Variants in ABLIM3 observed in about 807,000 individuals in gnomAD.
The protein encoded by ABLIM3 is actin-binding LIM protein 3.
In ABLIM3, 61 loss-of-function variants were observed where a neutral mutation model predicts 109.5. The observed-to-expected ratio is 0.56, with a 90% CI of 0.45 to 0.69. The LOEUF is 0.69. Among genes scored for constraint, ABLIM3 ranks in the 30% least tolerant of loss-of-function variants. The pLI is 0.00. For missense variants in ABLIM3, 796 were observed against 889.5 expected (o/e 0.89, Z 1.34); for synonymous variants, 300 against 324.8 (o/e 0.92, Z 0.82).
intron 16 of ABLIM3, 123 bp from the exon 17 acceptor site, chr5:149,246,359 T>C: frequency 1.1e-6 from 1 of 927,160 alleles, no homozygotes; most frequent in South Asian, 1.8e-5. Context: ...AACGAGACTG[T>C]TTCCATTGAA....
At chr5:149,149,887 CCACAACTGCCCCTAGCTGG>C (rs1278421772) in intron 2 of ABLIM3, among the ~76,000 whole-genome samples, 1 of 152,200 alleles carries the variant, frequency 6.6e-6, no homozygotes. Context: ...CCCACTGCTA[CCACAACTGCCCCTAGCTGG>C]ACCCAGAGAC....
At chr5:149,209,618 G>T (rs967912939) in intron 6 of ABLIM3, among the ~76,000 whole-genome samples, 3 of 152,174 alleles carry the variant, frequency 2.0e-5, no homozygotes, top group African/African-American at 7.2e-5. Context: ...CTCAAATCTT[G>T]TTGGCTCATC....
chr5:149,185,008 T>C (rs1756817713), intron 3 of ABLIM3, among the ~76,000 whole-genome samples: 1 of 152,202 alleles, frequency 6.6e-6, no homozygotes. Context: ...TGAGTGATTA[T>C]TTTTACACCC....
chr5:149,252,530 C>T, intron 22 of ABLIM3: 1 of 559,288 alleles, frequency 1.8e-6, no homozygotes, highest in Non-Finnish European at 3.2e-6. Context: ...GCAAATACCT[C>T]CAAGCTTATT....
intron 13 of ABLIM3, 69 bp downstream of exon 13, chr5:149,239,957 G>A: frequency 6.6e-7 from 1 of 1,515,742 alleles, no homozygotes; most frequent in Non-Finnish European, 8.8e-7. Flanking sequence ...TGGGGTCCCT[G>A]CTGCAGAGGG....
intron 7 of ABLIM3, among the ~76,000 whole-genome samples, chr5:149,214,529 G>A (rs1472481828): frequency 6.6e-6 from 1 of 152,146 alleles, no homozygotes; most frequent in Admixed American, 6.5e-5. Context: ...TCATTGGTGG[G>A]GTCAGCACTA....
chr5:149,231,652 G>A (rs1761871814), intron 9 of ABLIM3, among the ~76,000 whole-genome samples: 1 of 152,094 alleles, frequency 6.6e-6, no homozygotes, highest in Non-Finnish European at 1.5e-5. Context: ...TTCTTTCCCT[G>A]TTTCTTGCAA....
intron 7 of ABLIM3, among the ~76,000 whole-genome samples, chr5:149,215,483 T>C (rs2963491): frequency 0.48 from 72,020 of 149,064 alleles, 17,557 homozygotes; most frequent in East Asian, 0.6. Flanking sequence ...ATCTCCAGAA[T>C]AGGCAAGCCC....
At chr5:149,242,414 G>A (rs1752943619) in intron 14 of ABLIM3, 77 bp from the exon 15 acceptor site, 1 of 1,453,290 alleles carries the variant, frequency 6.9e-7, no homozygotes, top group Non-Finnish European at 9.7e-7. Context: ...AACTGACCAA[G>A]TACTATCTCC....
chr5:149,204,674 A>G (rs1758798309), intron 5 of ABLIM3, among the ~76,000 whole-genome samples: 3 of 152,250 alleles, frequency 2.0e-5, no homozygotes, highest in African/African-American at 7.2e-5. Flanking sequence ...TGGGCCAAGC[A>G]TTGTGCTAAG....
chr5:149,222,595 G>A (rs1012991081), intron 8 of ABLIM3, among the ~76,000 whole-genome samples: 2 of 151,212 alleles, frequency 1.3e-5, no homozygotes, highest in African/African-American at 2.4e-5. Context: ...AGTCTCAAAA[G>A]CTTGTTTTGA....
chr5:149,239,354 C>A, intron 12 of ABLIM3, 77 bp downstream of exon 12: 3 of 1,513,414 alleles, frequency 2.0e-6, no homozygotes, highest in East Asian at 2.3e-5. Flanking sequence ...CCCAGCCCCC[C>A]GAAGGTGTCT....
At chr5:149,232,759 G>GT (rs572384103) in intron 9 of ABLIM3, among the ~76,000 whole-genome samples, 8 of 139,438 alleles carry the variant, frequency 5.7e-5, no homozygotes, top group Non-Finnish European at 7.9e-5. Context: ...TTCAGAGACA[G>GT]TTTTTTTTTT....
At chr5:149,239,620 G>A (rs35473312) in intron 12 of ABLIM3, 139 bp from the exon 13 acceptor site, 2 of 1,217,110 alleles carry the variant, frequency 1.6e-6, no homozygotes, top group Non-Finnish European at 2.3e-6. Flanking sequence ...GTGTAACTCA[G>A]GGAGGAGGGG....
In ABLIM3 at chr5:149,235,039, C is replaced by T. The variant is rs574326268; in HGVS notation, c.888+1739C>T. On this transcript the variant is annotated intron_variant, in intron 10 of 23. Coordinates refer to ENST00000309868, the MANE Select transcript of ABLIM3 (RefSeq NM_014945.5). ...TTATGATGGCAGCTAGGAACACCTG[C>T]GCTTGTGCCTTCCAACTAGGGGCTT... 2.0e-5 allele frequency among the ~76,000 whole-genome samples: 3 copies of T among 152,290 alleles called. No homozygotes were observed. The South Asian group carries it at 6.2e-4, about 32-fold the overall frequency.
At chr5:149,174,230 A>G (rs1467172315) in intron 2 of ABLIM3, among the ~76,000 whole-genome samples, 1 of 151,994 alleles carries the variant, frequency 6.6e-6, no homozygotes, top group African/African-American at 2.4e-5. Flanking sequence ...TATAACCTAA[A>G]GGCCATTTCA....
chr5:149,256,489 G>A (rs1754437762), intron 23 of ABLIM3, among the ~76,000 whole-genome samples: 2 of 152,252 alleles, frequency 1.3e-5, no homozygotes, highest in Admixed American at 1.3e-4. Context: ...CAAATGTGAT[G>A]TGTAGGCACT....
At chr5:149,155,461 C>G (rs140631461) in intron 2 of ABLIM3, among the ~76,000 whole-genome samples, 3 of 152,258 alleles carry the variant, frequency 2.0e-5, no homozygotes, top group African/African-American at 7.2e-5. Context: ...GTGAGATAAA[C>G]CATGGCGGGT....
intron 3 of ABLIM3, among the ~76,000 whole-genome samples, chr5:149,196,958 G>C (rs1428880162): frequency 6.6e-6 from 1 of 152,052 alleles, no homozygotes; most frequent in East Asian, 1.9e-4. Context: ...TTATCCAAAA[G>C]AATATTCCAA....
Sources: allele counts gnomAD v4.1 joint callset (sites outside exome capture counted in the v4.1 genomes callset), GRCh38; gene constraint gnomAD v4.1.1; transcripts MANE v1.5; gene names NCBI Gene and HGNC (gene_info 2026-07-23, HGNC 2026-07-21).